The following RBM26 variants were observed in gnomAD, a reference collection of about 807,000 sequenced individuals.
RBM26 encodes RNA-binding protein 26.
A neutral mutation model predicts 123.6 loss-of-function variants in RBM26; 30 were observed. The observed-to-expected ratio is 0.24, with a 90% CI of 0.18 to 0.33. The LOEUF (loss-of-function observed/expected upper bound fraction) is 0.33. Ranked by LOEUF, RBM26 falls within the 10% of genes least tolerant of loss-of-function variation. RBM26 has a pLI of 1.00. For synonymous variants in RBM26, 400 were observed against 404.4 expected (o/e 0.99, Z 0.13); for missense variants, 947 against 1,203.6 (o/e 0.79, Z 3.15).
intron 3 of RBM26, among the ~76,000 whole-genome samples, chr13:79,372,154 C>T (rs2075957178): frequency 1.3e-5 from 2 of 152,100 alleles, no homozygotes; most frequent in South Asian, 4.1e-4. Context: ...TGGCAGGGGC[C>T]TGTAATCCCA....
downstream of RBM26, among the ~76,000 whole-genome samples, chr13:79,316,734 T>A (rs574378411): frequency 6.6e-6 from 1 of 151,776 alleles, no homozygotes; most frequent in East Asian, 1.9e-4. Flanking sequence ...ACACAAAATA[T>A]TGGGTGAAAT....
At chr13:79,349,184 C>T (rs545669390) in intron 14 of RBM26, among the ~76,000 whole-genome samples, 9 of 152,206 alleles carry the variant, frequency 5.9e-5, no homozygotes, top group Admixed American at 3.3e-4. Context: ...ATTTGTATTA[C>T]GTCACTTTTT....
At chr13:79,394,699 G>A (rs2078403478) in intron 1 of RBM26, among the ~76,000 whole-genome samples, 3 of 152,094 alleles carry the variant, frequency 2.0e-5, no homozygotes, top group Non-Finnish European at 4.4e-5. Flanking sequence ...AGTGGCACCA[G>A]CTTGGCTCAC....
chr13:79,316,734 T>C (rs574378411), downstream of RBM26, among the ~76,000 whole-genome samples: 69 of 151,894 alleles, frequency 4.5e-4, no homozygotes, highest in Non-Finnish European at 7.4e-4. Context: ...ACACAAAATA[T>C]TGGGTGAAAT....
chr13:79,372,862 A>AT (rs2076088881), intron 3 of RBM26, among the ~76,000 whole-genome samples: 1 of 65,442 alleles, frequency 1.5e-5, no homozygotes, highest in Admixed American at 2.2e-4. Flanking sequence ...TATAAATATA[A>AT]ATATATTTAT....
At chr13:79,373,487 T>G (rs1566508618) in intron 3 of RBM26, among the ~76,000 whole-genome samples, 1 of 61,892 alleles carries the variant, frequency 1.6e-5, no homozygotes, top group African/African-American at 7.0e-5. Context: ...TACAAATATA[T>G]ATAATATGTA....
intron 20 of RBM26, 97 bp downstream of exon 20, chr13:79,334,247 T>C (rs2069928056): frequency 1.5e-6 from 1 of 669,616 alleles, no homozygotes; most frequent in East Asian, 3.1e-5. Flanking sequence ...TCAAAGCATA[T>C]TATTTAGTAA....
chr13:79,327,489 A>G (rs918310657), intron 20 of RBM26, among the ~76,000 whole-genome samples: 4 of 152,164 alleles, frequency 2.6e-5, no homozygotes, highest in Admixed American at 2.6e-4. Context: ...CGATGAAATA[A>G]CAGAAAGTAG....
intron 18 of RBM26, among the ~76,000 whole-genome samples, chr13:79,338,141 G>A (rs2070767556): frequency 6.6e-6 from 1 of 152,162 alleles, no homozygotes; most frequent in South Asian, 2.1e-4. Flanking sequence ...GAACCTGGGA[G>A]GCAGAGGTTG....
chr13:79,400,000 T>C (rs1009959178), intron 1 of RBM26, among the ~76,000 whole-genome samples: 5 of 152,164 alleles, frequency 3.3e-5, no homozygotes, highest in Non-Finnish European at 5.9e-5. Context: ...AACATACTTA[T>C]GTGAAAATAA....
At chr13:79,315,104 T>C, downstream of RBM26, 2 of 527,002 alleles carry the variant, frequency 3.8e-6, no homozygotes, top group South Asian at 1.8e-5. Flanking sequence ...AAAAAGTCTA[T>C]TTGAGAAAGA....
intron 9 of RBM26, among the ~76,000 whole-genome samples, chr13:79,362,016 GAAGAA>G (rs1404596645): frequency 6.6e-6 from 1 of 152,070 alleles, no homozygotes; most frequent in African/African-American, 2.4e-5. Flanking sequence ...TAATGGGACA[GAAGAA>G]AAGATTAAGG....
intron 3 of RBM26, among the ~76,000 whole-genome samples, chr13:79,373,579 T>C (rs1163878869): frequency 9.0e-6 from 1 of 111,214 alleles, no homozygotes; most frequent in African/African-American, 3.6e-5. Context: ...TATAATATAT[T>C]TATATATTAC....
chr13:79,403,722 C>T (rs1285627725), intron 1 of RBM26, among the ~76,000 whole-genome samples: 1 of 152,198 alleles, frequency 6.6e-6, no homozygotes, highest in Non-Finnish European at 1.5e-5. Flanking sequence ...CAAAGCCAGA[C>T]ATTCTGCTCC....
chr13:79,347,021 A>T (rs1022464120), intron 14 of RBM26, among the ~76,000 whole-genome samples: 8 of 152,216 alleles, frequency 5.3e-5, no homozygotes, highest in African/African-American at 1.9e-4. Flanking sequence ...CCAAGAACAA[A>T]CCCATATAAT....
intron 14 of RBM26, among the ~76,000 whole-genome samples, chr13:79,350,867 C>A (rs2073117082): frequency 6.6e-6 from 1 of 151,974 alleles, no homozygotes; most frequent in Non-Finnish European, 1.5e-5. Context: ...GGAACAGAAA[C>A]AACAAAAATA....
intron 1 of RBM26, among the ~76,000 whole-genome samples, chr13:79,390,626 A>G (rs1171468080): frequency 1.3e-5 from 2 of 152,206 alleles, no homozygotes; most frequent in Non-Finnish European, 1.5e-5. Flanking sequence ...GAAGTAAAGC[A>G]TGGTATGCAT....
chr13:79,333,043 C>G (rs937653652), intron 20 of RBM26, among the ~76,000 whole-genome samples: 1 of 152,126 alleles, frequency 6.6e-6, no homozygotes, highest in Non-Finnish European at 1.5e-5. Context: ...AACTACCTAT[C>G]TAGCAAGAGA....
chr13:79,386,525 A>G (rs2077497694), intron 1 of RBM26, among the ~76,000 whole-genome samples: 2 of 150,566 alleles, frequency 1.3e-5, no homozygotes, highest in Non-Finnish European at 3.0e-5. Context: ...AGCCCAAATG[A>G]CAAATTAAGC....
Sources: allele counts gnomAD v4.1 joint callset (sites outside exome capture counted in the v4.1 genomes callset), GRCh38; gene constraint gnomAD v4.1.1; transcripts MANE v1.5; gene names NCBI Gene and HGNC (gene_info 2026-07-23, HGNC 2026-07-21).